Variants in TBX20 observed in about 807,000 individuals in gnomAD.
The protein encoded by TBX20 is T-box transcription factor 20.
A neutral mutation model predicts 42.9 loss-of-function variants in TBX20; 8 were observed. The observed-to-expected ratio is 0.19, with a 90% CI of 0.11 to 0.34. The LOEUF is 0.34. Among genes scored for constraint, TBX20 ranks in the 10% least tolerant of loss-of-function variants. TBX20 has a pLI of 1.00. For synonymous variants in TBX20, 198 were observed against 222.8 expected (o/e 0.89, Z 0.99); for missense variants, 411 against 566.0 (o/e 0.73, Z 2.78).
At chr7:35,208,948 C>T (rs1203692437) in intron 6 of TBX20, among the ~76,000 whole-genome samples, 1 of 151,886 alleles carries the variant, frequency 6.6e-6, no homozygotes, top group Non-Finnish European at 1.5e-5. Flanking sequence ...TTGAATTTTG[C>T]TAAATGCTTT....
intron 5 of TBX20, among the ~76,000 whole-genome samples, chr7:35,232,675 G>C (rs1789889836): frequency 1.3e-5 from 2 of 152,348 alleles, no homozygotes; most frequent in South Asian, 4.1e-4. Context: ...AAAAGTTACA[G>C]GTATGTCTTC....
chr7:35,208,279 C>A (rs1314443425), intron 6 of TBX20, among the ~76,000 whole-genome samples: 3 of 152,070 alleles, frequency 2.0e-5, no homozygotes, highest in South Asian at 4.1e-4. Context: ...TGTGAACTTG[C>A]CAAACACTTA....
At chr7:35,235,085 T>C (rs554069643) in intron 5 of TBX20, among the ~76,000 whole-genome samples, 2 of 152,222 alleles carry the variant, frequency 1.3e-5, no homozygotes, top group South Asian at 2.1e-4. Flanking sequence ...AGTGAAACCA[T>C]GAATTTACAG....
chr7:35,230,070 T>C (rs980414511), intron 6 of TBX20, among the ~76,000 whole-genome samples: 1 of 152,068 alleles, frequency 6.6e-6, no homozygotes, highest in Non-Finnish European at 1.5e-5. Flanking sequence ...CGGATCACTA[T>C]CACCCCACTG....
In TBX20 at chr7:35,253,753, A is replaced by T; in HGVS notation, c.-133T>A. The T allele has an allele frequency of 3.5e-6, 4 of 1,153,424 alleles. No homozygotes were observed. The highest frequency in any genetic ancestry group is 4.8e-6 in the Non-Finnish European group (4 of 825,412). The allele number at this position is 1,153,424 out of a possible 1,614,324, so 71.4% of individuals were successfully genotyped here. ...TCACAGCGGGGCCAGGGACTCCAGA[A>T]GTGTCAGCTCCAACGACTCCAGAGC... On this transcript the variant is annotated 5_prime_UTR_variant, in exon 1 of 8. Transcript: ENST00000408931.
intron 1 of TBX20, among the ~76,000 whole-genome samples, chr7:35,253,202 A>G (rs1449183341): frequency 6.6e-6 from 1 of 152,250 alleles, no homozygotes; most frequent in Non-Finnish European, 1.5e-5. Flanking sequence ...TTATTTTTCC[A>G]TGAATGTTTT....
Position 35,204,562 on chromosome 7 carries a change from A to C in TBX20, c.911T>G (p.Ile304Ser). 1 of 1,613,906 alleles carries C rather than the reference A, an allele frequency of 6.2e-7. No individual in the cohort carries two copies. Among genetic ancestry groups the C allele is most frequent in the Non-Finnish European group, 8.5e-7 (1 of 1,179,834 alleles). ...TGAGCGTGCATAGGAATGCTTTTGA[A>C]TCAGGCTCTCCACACTTTCCCTAGG... ...DIERESVESL[I>S]QKHSYARSPI... The change falls in exon 7 of 8, where the codon ATT (isoleucine) becomes AGT (serine). Residue 304 changes from isoleucine (I) to serine (S), a missense_variant. Physicochemically the swap from Ile to Ser is moderately radical, Grantham distance 142. This residue lies in a region of TBX20 where 162 missense variants were observed against 205.4 expected (regional missense o/e 0.79). Coordinates refer to ENST00000408931, the MANE Select transcript of TBX20 (RefSeq NM_001077653.2).
Position 35,240,873 on chromosome 7 carries a change from A to C in TBX20, c.813+6T>G. 1 of 1,612,836 alleles carries C rather than the reference A, an allele frequency of 6.2e-7. No homozygotes were observed. Among genetic ancestry groups the C allele is most frequent in the Non-Finnish European group, 8.5e-7 (1 of 1,178,892 alleles). ...GCAGGAACTAAATTGTGAACTGTACACTCACCAGTTGATTCTGGTAGGCAG... is the reference window on the plus strand; with the variant it reads ...GCAGGAACTAAATTGTGAACTGTACCCTCACCAGTTGATTCTGGTAGGCAG... On this transcript the variant is annotated splice_donor_region_variant and intron_variant, in intron 5 of 7. Coordinates refer to ENST00000408931, the MANE Select transcript of TBX20 (RefSeq NM_001077653.2).
intron 6 of TBX20, among the ~76,000 whole-genome samples, chr7:35,210,796 T>G (rs1488599260): frequency 4.6e-5 from 7 of 152,302 alleles, no homozygotes; most frequent in Non-Finnish European, 1.5e-5. Context: ...AGAAAGCACA[T>G]TTCTTGTAGG....
At position 35,244,272 on chromosome 7, in the gene TBX20, T is replaced by C. The variant is rs560195099; in HGVS notation, c.654+677A>G. Among the ~76,000 whole-genome samples the C allele has an allele frequency of 2.0e-5, 3 of 152,336 alleles. 1 individual carries two copies. Among genetic ancestry groups the C allele is most frequent in the South Asian group, 2.1e-4 (1 of 4,826 alleles). On this transcript the variant is annotated intron_variant, in intron 4 of 7. Transcript: ENST00000408931. ...ATCAAATATGTAAGGACCTGCATCATTGACTATTTGTTCTATTAAACTACT... is the reference window on the plus strand; with the variant it reads ...ATCAAATATGTAAGGACCTGCATCACTGACTATTTGTTCTATTAAACTACT...
chr7:35,205,396 A>G (rs1286780708), intron 6 of TBX20, among the ~76,000 whole-genome samples: 1 of 152,044 alleles, frequency 6.6e-6, no homozygotes, highest in African/African-American at 2.4e-5. Flanking sequence ...TTTGTTCGCC[A>G]AAAGTGCATA....
chr7:35,246,101 G>C (rs1790178482), intron 3 of TBX20, among the ~76,000 whole-genome samples: 1 of 152,142 alleles, frequency 6.6e-6, no homozygotes, highest in Admixed American at 6.6e-5. Flanking sequence ...TTCATGTAAA[G>C]AACAAGAAAT....
chr7:35,237,218 C>T (rs1167315771), intron 5 of TBX20, among the ~76,000 whole-genome samples: 1 of 151,890 alleles, frequency 6.6e-6, no homozygotes, highest in Non-Finnish European at 1.5e-5. Context: ...GGGCCTTCTT[C>T]AAGGCATACA....
At chr7:35,221,911 A>T (rs1789690256) in intron 6 of TBX20, among the ~76,000 whole-genome samples, 1 of 152,202 alleles carries the variant, frequency 6.6e-6, no homozygotes, top group Non-Finnish European at 1.5e-5. Flanking sequence ...AAGGGCTAAA[A>T]ATCTGATTTT....
At chr7:35,220,837 G>A (rs1789671077) in intron 6 of TBX20, among the ~76,000 whole-genome samples, 1 of 152,180 alleles carries the variant, frequency 6.6e-6, no homozygotes, top group Non-Finnish European at 1.5e-5. Context: ...TCTCTAATTT[G>A]TGCTTTTAAA....
Position 35,253,853 on chromosome 7 carries a change from G to A in TBX20, c.-233C>T, listed in dbSNP as rs1790357024. ...TTCGAAGGCAGCCGGAGAGGAGAGGGCCCACCGAGCACTACGGCGGGTGCG... is the reference window on the plus strand; with the variant it reads ...TTCGAAGGCAGCCGGAGAGGAGAGGACCCACCGAGCACTACGGCGGGTGCG... On this transcript the variant is annotated 5_prime_UTR_variant, in exon 1 of 8. Transcript: ENST00000408931. 3.6e-6 allele frequency: 2 copies of A among 554,616 alleles called. No homozygotes were observed. The highest frequency in any genetic ancestry group is 6.3e-6 in the Non-Finnish European group (2 of 316,840). The allele number at this position is 554,616 out of a possible 1,614,324, so 34.4% of individuals were successfully genotyped here. A position where few individuals can be genotyped will look rare whatever the true frequency, so the allele number is the denominator to read the frequency against.
chr7:35,241,437 AT>A (rs1398602893), intron 4 of TBX20, among the ~76,000 whole-genome samples: 1 of 152,220 alleles, frequency 6.6e-6, no homozygotes, highest in Non-Finnish European at 1.5e-5. Flanking sequence ...CCAGATTATT[AT>A]TTATGGAGAA....
rs146150866 is a variant in TBX20, at chr7:35,205,124, A to C, written c.891-542T>G. On this transcript the variant is annotated intron_variant, in intron 6 of 7. Coordinates refer to ENST00000408931, the MANE Select transcript of TBX20 (RefSeq NM_001077653.2). ...ATTCATAGATTATAGTACAATATAG[A>C]TAGTTTGGGTAATGAACACTAAGAT... is the stretch of plus-strand genomic sequence containing the variant. Among the ~76,000 whole-genome samples the C allele has an allele frequency of 4.7e-3, 712 of 152,308 alleles. 6 individuals carry two copies. The highest frequency in any genetic ancestry group is 0.016 in the African/African-American group (669 of 41,564).
chr7:35,246,221 A>G (rs1790182862), intron 3 of TBX20, among the ~76,000 whole-genome samples: 1 of 152,190 alleles, frequency 6.6e-6, no homozygotes, highest in Admixed American at 6.5e-5. Context: ...GACAGCACCA[A>G]AGACTCTTAC....
Sources: allele counts gnomAD v4.1 joint callset (sites outside exome capture counted in the v4.1 genomes callset), GRCh38; gene constraint gnomAD v4.1.1; regional missense constraint gnomAD v4.1.1; transcripts MANE v1.5; gene names NCBI Gene and HGNC (gene_info 2026-07-23, HGNC 2026-07-21).